Variants in INTS11 observed in about 807,000 individuals in gnomAD.
INTS11 encodes integrator complex subunit 11, also known as CPSF3-like protein.
A neutral mutation model predicts 78.6 loss-of-function variants in INTS11; 77 were observed. The observed-to-expected ratio is 0.98, with a 90% confidence interval of 0.81 to 1.18. The LOEUF (loss-of-function observed/expected upper bound fraction) is 1.18. Among genes scored for constraint, INTS11 ranks in the 50% most tolerant of loss-of-function variants. The probability of loss-of-function intolerance (pLI) is 0.00; values close to 1 mark genes in which losing one functional copy is unlikely to be tolerated. For synonymous variants in INTS11, 441 were observed against 326.9 expected, an observed-to-expected ratio of 1.35 and a Z score of -3.77; for missense variants, 875 against 825.9, an observed-to-expected ratio of 1.06 and a Z score of -0.73.
intron 1 of INTS11, chr1:1,321,824 G>C: frequency 9.4e-7 from 1 of 1,060,840 alleles, no homozygotes; most frequent in Non-Finnish European, 1.2e-6. Context: ...GGGCCCGAGA[G>C]GAAAGGGTCA....
rs1642433123 is a variant in INTS11 at position 1,314,227 on chromosome 1, A to G, written c.767+74T>C. 5.1e-6 allele frequency: 7 copies of G among 1,364,958 alleles called. No individual in the cohort carries two copies. Among genetic ancestry groups the G allele is most frequent in the Non-Finnish European group, 7.2e-6 (7 of 977,750 alleles). 84.6% of individuals were successfully genotyped at this position (1,364,958 alleles called of 1,614,324 possible). On this transcript the variant is annotated intron_variant, in intron 8 of 16. Transcript: ENST00000435064. This position sits in a 1 kb window ranked among gnomAD's most constrained non-coding sequence, Gnocchi z 4.2. ...CCAAGATGCCACCGCTACGCTGGACAGGGCTGCCCACCAACTGGACTGTGT... is the reference window on the plus strand; with the variant it reads ...CCAAGATGCCACCGCTACGCTGGACGGGGCTGCCCACCAACTGGACTGTGT...
rs551084001 is a variant in INTS11 at position 1,319,219 on chromosome 1, T to C, written c.429+77A>G. On this transcript the variant is annotated intron_variant, in intron 4 of 16. Transcript: ENST00000435064. ...CCTGAGGCCCCAGCCTTCCAGAAAC[T>C]GTGTAGAACGGGCGGAGGGCATGGT... 2.4e-4 allele frequency: 304 copies of C among 1,269,166 alleles called. 1 individual carries two copies. In the African/African-American group the frequency reaches 3.8e-3, roughly 16 times the overall value. The allele number at this position is 1,269,166 out of a possible 1,614,324, so 78.6% of individuals were successfully genotyped here.
rs199702889 is a variant in INTS11 at position 1,320,445 on chromosome 1, C to G, written c.200+11G>C. ...GACATGGGACCCTCAAGGCCCCCAACAGGAACCCACCTAATGATCACACAG... is the reference window on the plus strand; with the variant it reads ...GACATGGGACCCTCAAGGCCCCCAAGAGGAACCCACCTAATGATCACACAG... On this transcript the variant is annotated intron_variant, in intron 3 of 16. Transcript: ENST00000435064. 528 of 1,613,594 alleles carry G rather than the reference C, an allele frequency of 3.3e-4. 6 individuals are homozygous for G. In the South Asian group the frequency reaches 5.3e-3, roughly 16 times the overall value.
chr1:1,321,989 CACAG>C (rs1474610251), intron 1 of INTS11: 21 of 1,363,216 alleles, frequency 1.5e-5, no homozygotes, highest in Non-Finnish European at 1.8e-5. Flanking sequence ...GGCTGCCTGC[CACAG>C]AGAGGGGATC....
rs745416074 is a variant in INTS11, at chr1:1,315,456, A to G, written c.529-18T>C. On this transcript the variant is annotated intron_variant, in intron 5 of 16. Transcript: ENST00000435064. ...TAATCACCCTGGTGAACGATCAAGG[A>G]TGCCATGAGGAGGGTGCCTCCCACC... 6.2e-7 allele frequency: 1 copy of G among 1,613,022 alleles called. No homozygotes were observed. The highest frequency in any genetic ancestry group is 8.5e-7 in the Non-Finnish European group (1 of 1,179,890).
chr1:1,318,677 CA>C, intron 4 of INTS11: 1 of 440,658 alleles, frequency 2.3e-6, no homozygotes, highest in African/African-American at 2.1e-5. Flanking sequence ...AGTTTCACAA[CA>C]AAAAAGATAA....
Position 1,320,501 on chromosome 1 carries a change from G to A in INTS11, c.155C>T (p.Thr52Ile), listed in dbSNP as rs1232473890. 1.7e-5 allele frequency: 27 copies of A among 1,613,834 alleles called. No individual in the cohort carries two copies. Among genetic ancestry groups the A allele is most frequent in the Non-Finnish European group, 2.3e-5 (27 of 1,179,988 alleles). ...GAAGTCTGTTAGGCGGCCGTTCTGG[G>A]TGATGTAGGAGAAGTCAGGGAAGCG... ...DRRFPDFSYI[T>I]QNGRLTDFLD... Residue 52 changes from threonine to isoleucine, a missense_variant, in exon 3 of 17, where the codon ACC becomes ATC. By Grantham distance (89) the Thr-to-Ile change is moderately conservative. Coordinates refer to ENST00000435064, the MANE Select transcript of INTS11 (RefSeq NM_017871.6).
intron 4 of INTS11, chr1:1,317,897 GCT>G (rs1248038512): frequency 1.3e-5 from 2 of 151,722 alleles, no homozygotes; most frequent in Admixed American, 6.6e-5. Context: ...CTCGCGTCTC[GCT>G]CTGTCTCCCA....
chr1:1,323,401 C>G (rs190285494), intron 1 of INTS11: 1 of 1,202,764 alleles, frequency 8.3e-7, no homozygotes, highest in African/African-American at 1.5e-5. Flanking sequence ...TCGTTCTATA[C>G]TGTTACGACT....
intron 2 of INTS11, 46 bp downstream of exon 2, chr1:1,320,950 A>G (rs756163846): frequency 1.3e-6 from 2 of 1,539,154 alleles, no homozygotes; most frequent in Admixed American, 3.3e-5. Flanking sequence ...CCAGCTGTGG[A>G]TGGCCGGCTC....
At chr1:1,322,476 G>A (rs1004168795) in intron 1 of INTS11, among the ~76,000 whole-genome samples, 1 of 133,888 alleles carries the variant, frequency 7.5e-6, no homozygotes, top group Non-Finnish European at 1.6e-5. Flanking sequence ...AGAGAATGAG[G>A]AAGCCTCAAA....
chr1:1,321,843 G>A, intron 1 of INTS11: 3 of 1,195,218 alleles, frequency 2.5e-6, no homozygotes, highest in South Asian at 2.5e-5. Flanking sequence ...CACGGCCCCT[G>A]CACAGACTGT....
chr1:1,311,827 G>T lies in INTS11; in HGVS notation c.*32C>A, dbSNP rs538583128. ...CCCAGGGTCTGTCCAGCTGGGAGAGGGCAGAGGTGGCGGCTGGGTGAGTTG... is the reference window on the plus strand; with the variant it reads ...CCCAGGGTCTGTCCAGCTGGGAGAGTGCAGAGGTGGCGGCTGGGTGAGTTG... On this transcript the variant is annotated 3_prime_UTR_variant, in exon 17 of 17. Coordinates refer to ENST00000435064, the MANE Select transcript of INTS11 (RefSeq NM_017871.6). 6.5e-6 allele frequency: 10 copies of T among 1,533,684 alleles called. No homozygotes were observed. The South Asian group carries it at 1.3e-4, about 20-fold the overall frequency.
rs1432912799 is a variant in INTS11, at chr1:1,320,520, G to A, written c.136C>T (p.Pro46Ser). Reference sequence around the variant, plus strand: ...TTCTGGGTGATGTAGGAGAAGTCAGGGAAGCGTCGCTAGGAAGGATGTGGG... The same window carrying A: ...TTCTGGGTGATGTAGGAGAAGTCAGAGAAGCGTCGCTAGGAAGGATGTGGG... ...HMGFNDDRRF[P>S]DFSYITQNGR... Residue 46 changes from proline to serine, a missense_variant, in exon 3 of 17, where the codon CCT (proline) becomes TCT (serine). Transcript: ENST00000435064. 1 of 1,613,924 alleles carries A rather than the reference G, an allele frequency of 6.2e-7. No homozygotes were observed. The highest frequency in any genetic ancestry group is 8.5e-7 in the Non-Finnish European group (1 of 1,179,940).
intron 1 of INTS11, chr1:1,322,047 G>C: frequency 8.9e-7 from 1 of 1,120,758 alleles, no homozygotes; most frequent in Non-Finnish European, 1.2e-6. Flanking sequence ...CTGGGTGTGA[G>C]CTCTCTGAGA....
chr1:1,323,369 A>T (rs1039988512), intron 1 of INTS11: 16 of 1,453,830 alleles, frequency 1.1e-5, no homozygotes, highest in Non-Finnish European at 1.5e-5. Context: ...CTGGATTTTG[A>T]CTAATTTTTT....
At position 1,311,670 on chromosome 1, in the gene INTS11, A is replaced by T. The variant is rs1223581686; in HGVS notation, c.*189T>A. 1 of 719,462 alleles carries T rather than the reference A, an allele frequency of 1.4e-6. No homozygotes were observed. The highest frequency in any genetic ancestry group is 2.4e-6 in the Non-Finnish European group (1 of 408,276). 44.6% of individuals were successfully genotyped at this position (719,462 alleles called of 1,614,324 possible). A position where few individuals can be genotyped will look rare whatever the true frequency, so the allele number is the denominator to read the frequency against. On this transcript the variant is annotated 3_prime_UTR_variant, in exon 17 of 17. Transcript: ENST00000435064. The stretch of plus-strand genomic sequence containing the variant: ...CCCTAACCAGGAATAAAGGCAAGAC[A>T]GCCTGGAGACCAGTTTGTTTCTTCA...
In INTS11 at chr1:1,312,689, A is replaced by C. The variant is rs201437887; in HGVS notation, c.1306T>G (p.Tyr436Asp). Residue 436 changes from tyrosine (Y) to aspartate (D), a missense_variant, in exon 13 of 17, where the codon TAC becomes GAC. Tyr to Asp is a radical substitution (Grantham distance 160, BLOSUM62 -3). Coordinates refer to ENST00000435064, the MANE Select transcript of INTS11 (RefSeq NM_017871.6). ...KIEQELRVNCYMPANGETVTL... is the reference protein window; with the variant it reads ...KIEQELRVNCDMPANGETVTL... ...ACCGTCTCGCCATTGGCCGGCATGT[A>C]GCAGTTGACCCCTGGACCCCGGGGG... 12 of 1,594,352 alleles carry C rather than the reference A, an allele frequency of 7.5e-6. No individual in the cohort carries two copies. Among genetic ancestry groups the C allele is most frequent in the Non-Finnish European group, 9.4e-6 (11 of 1,167,328 alleles).
chr1:1,313,589 C>G lies in INTS11; in HGVS notation c.961G>C (p.Val321Leu), dbSNP rs555104938. 1.8e-5 allele frequency: 29 copies of G among 1,612,930 alleles called. No homozygotes were observed. The South Asian group carries it at 3.2e-4, about 18-fold the overall frequency. ...AFADNPGPMV[V>L]FATPGMLHAG... ...TGCAGCATTCCTGGCGTGGCAAACA[C>G]AACCTACAGGACACACAGGGCCAGG... The change falls in exon 10 of 17, where the codon GTG becomes CTG. Residue 321 changes from valine (V) to leucine (L), a missense_variant. Coordinates refer to ENST00000435064, the MANE Select transcript of INTS11 (RefSeq NM_017871.6).
Sources: allele counts gnomAD v4.1 joint callset (sites outside exome capture counted in the v4.1 genomes callset), GRCh38; gene constraint gnomAD v4.1.1; non-coding constraint Gnocchi (gnomAD v3.1); transcripts MANE v1.5; gene names NCBI Gene and HGNC (gene_info 2026-07-23, HGNC 2026-07-21).